Variants in ZBTB20 observed in about 807,000 individuals in gnomAD.
The protein encoded by ZBTB20 is zinc finger and BTB domain-containing protein 20.
A neutral mutation model predicts 56.9 loss-of-function variants in ZBTB20; 9 were observed. That is an observed-to-expected ratio of 0.16 (90% CI 0.10 to 0.28). The LOEUF (loss-of-function observed/expected upper bound fraction) is 0.28. Ranked by LOEUF, ZBTB20 falls within the 10% of genes least tolerant of loss-of-function variation. ZBTB20 has a pLI of 1.00. For missense variants in ZBTB20, 655 were observed against 1,003.0 expected, an observed-to-expected ratio of 0.65 and a Z score of 4.69; for synonymous variants, 417 against 420.7, an observed-to-expected ratio of 0.99 and a Z score of 0.11.
chr3:115,131,773 C>CA (rs1448294600), intron 1 of ZBTB20, among the ~76,000 whole-genome samples: 109 of 152,238 alleles, frequency 7.2e-4, no homozygotes, highest in African/African-American at 2.4e-3. Flanking sequence ...TGTTAAGGTG[C>CA]AAAATGGGAA....
chr3:114,706,437 AT>A (rs1182809973), intron 5 of ZBTB20, among the ~76,000 whole-genome samples: 1 of 152,114 alleles, frequency 6.6e-6, no homozygotes. Flanking sequence ...TGGTGATCAC[AT>A]GTGTTCCATG....
At chr3:114,764,451 T>TA (rs1394794876) in intron 5 of ZBTB20, among the ~76,000 whole-genome samples, 1 of 152,180 alleles carries the variant, frequency 6.6e-6, no homozygotes, top group Non-Finnish European at 1.5e-5. Flanking sequence ...CTTGATAGGT[T>TA]AGCAGCTTGG....
intron 5 of ZBTB20, among the ~76,000 whole-genome samples, chr3:114,764,426 A>G (rs917154904): frequency 1.3e-5 from 2 of 152,084 alleles, no homozygotes; most frequent in African/African-American, 4.8e-5. Flanking sequence ...TGCCCTCAGA[A>G]CCACATGGGC....
rs757615501 is a variant in ZBTB20 at position 114,351,319 on chromosome 3, C to T, written c.759G>A (p.Gln253=). ...AAAAAGAGCGCTCGCCGCTGCCATT[C>T]TGCATGGAGCACGCGTAGAGTGCCG... ...IYSALYACSM[Q]NGSGERSFYS... The change falls in exon 11 of 12, where the codon CAG becomes CAA. Residue 253 remains glutamine, a synonymous_variant. Transcript: ENST00000675478. 9 of 1,607,400 alleles carry T rather than the reference C, an allele frequency of 5.6e-6. No homozygotes were observed. The Admixed American group carries it at 1.3e-4, about 24-fold the overall frequency.
chr3:114,671,001 A>C (rs1040423981), intron 6 of ZBTB20, among the ~76,000 whole-genome samples: 1 of 152,164 alleles, frequency 6.6e-6, no homozygotes, highest in African/African-American at 2.4e-5. Flanking sequence ...ACCAGGGTAC[A>C]TGCAGAGATG....
intron 3 of ZBTB20, among the ~76,000 whole-genome samples, chr3:114,954,245 A>G (rs1014253660): frequency 6.6e-6 from 1 of 152,190 alleles, no homozygotes; most frequent in African/African-American, 2.4e-5. Flanking sequence ...AATCTTATAT[A>G]AAAGGTACGT....
intron 6 of ZBTB20, among the ~76,000 whole-genome samples, chr3:114,501,007 T>C (rs1415055720): frequency 6.6e-6 from 1 of 152,198 alleles, no homozygotes; most frequent in Non-Finnish European, 1.5e-5. Context: ...TTTGTCTCTT[T>C]TAAGGTATAT....
chr3:114,507,027 G>T (rs372319534), intron 6 of ZBTB20, among the ~76,000 whole-genome samples: 20 of 152,288 alleles, frequency 1.3e-4, no homozygotes, highest in African/African-American at 4.8e-4. Context: ...AGAGATGACA[G>T]AAGAAAGTTG....
At chr3:114,452,537 TC>T (rs2091687003) in intron 7 of ZBTB20, among the ~76,000 whole-genome samples, 1 of 152,142 alleles carries the variant, frequency 6.6e-6, no homozygotes, top group East Asian at 1.9e-4. Context: ...CCGAAAAGAC[TC>T]CTTGTTATCA....
intron 1 of ZBTB20, among the ~76,000 whole-genome samples, chr3:115,140,020 T>G (rs944497292): frequency 6.6e-6 from 1 of 152,066 alleles, no homozygotes; most frequent in South Asian, 2.1e-4. Context: ...TTACATATAC[T>G]GTTTCTAGGT....
intron 6 of ZBTB20, among the ~76,000 whole-genome samples, chr3:114,508,751 A>G (rs2044962313): frequency 6.6e-6 from 1 of 152,132 alleles, no homozygotes; most frequent in South Asian, 2.1e-4. Flanking sequence ...TTTATTTTGC[A>G]ACCCATTATT....
chr3:114,763,818 C>T (rs2068602089), intron 5 of ZBTB20, among the ~76,000 whole-genome samples: 1 of 151,978 alleles, frequency 6.6e-6, no homozygotes, highest in African/African-American at 2.4e-5. Flanking sequence ...CATAAAAATA[C>T]ATAATTATTT....
At chr3:114,527,253 TG>T (rs2047333272) in intron 6 of ZBTB20, 1 of 152,166 alleles carries the variant, frequency 6.6e-6, no homozygotes, top group South Asian at 2.1e-4. Flanking sequence ...AAAAATCTGA[TG>T]GGAGTCTCAC....
chr3:114,968,155 C>T (rs922216357), intron 3 of ZBTB20, among the ~76,000 whole-genome samples: 18 of 151,996 alleles, frequency 1.2e-4, no homozygotes, highest in African/African-American at 4.3e-4. Flanking sequence ...TATATAGATA[C>T]ATATGCATTT....
chr3:114,991,933 C>T (rs954952245), intron 2 of ZBTB20, among the ~76,000 whole-genome samples: 2 of 151,866 alleles, frequency 1.3e-5, no homozygotes, highest in Non-Finnish European at 2.9e-5. Flanking sequence ...CAACCACTGC[C>T]TTTTTTTGTT....
chr3:114,884,489 G>A (rs1216185044), intron 4 of ZBTB20, among the ~76,000 whole-genome samples: 2 of 152,028 alleles, frequency 1.3e-5, no homozygotes, highest in African/African-American at 4.8e-5. Context: ...TCGAGCAATG[G>A]GAAAATAATG....
intron 5 of ZBTB20, among the ~76,000 whole-genome samples, chr3:114,747,518 T>TGA (rs1182337897): frequency 1.3e-5 from 2 of 152,116 alleles, no homozygotes; most frequent in Non-Finnish European, 2.9e-5. Flanking sequence ...GAGCAAAGAC[T>TGA]GAGCCACTAC....
chr3:114,350,887 C>G lies in ZBTB20; in HGVS notation c.1191G>C (p.Gly397=). 1 of 1,607,696 alleles carries G rather than the reference C, an allele frequency of 6.2e-7. No homozygotes were observed. Among genetic ancestry groups the G allele is most frequent in the Non-Finnish European group, 8.5e-7 (1 of 1,179,960 alleles). Residue 397 remains glycine (G), a synonymous_variant, in exon 11 of 12, where the codon GGG becomes GGC. Coordinates refer to ENST00000675478, the MANE Select transcript of ZBTB20 (RefSeq NM_001348800.3). ...GTTCAGCCTGGCTGTCCCGCGCCGCCCCAGGCCCAAACTGCTGCTCCACCG... is the reference window on the plus strand; with the variant it reads ...GTTCAGCCTGGCTGTCCCGCGCCGCGCCAGGCCCAAACTGCTGCTCCACCG... The part of the protein sequence containing the change: ...PDSVEQQFGP[G]AARDSQAEPT...
intron 3 of ZBTB20, among the ~76,000 whole-genome samples, chr3:114,928,396 A>G (rs1343907018): frequency 2.0e-5 from 3 of 150,296 alleles, no homozygotes; most frequent in Admixed American, 2.0e-4. Flanking sequence ...AGGTTCTTCA[A>G]TGATGGAGAA....
Sources: allele counts gnomAD v4.1 joint callset (sites outside exome capture counted in the v4.1 genomes callset), GRCh38; gene constraint gnomAD v4.1.1; transcripts MANE v1.5; gene names NCBI Gene and HGNC (gene_info 2026-07-23, HGNC 2026-07-21).